Variants in PLXNA2 observed in about 807,000 individuals in gnomAD.
The protein encoded by PLXNA2 is plexin A2.
Under a neutral mutation model 193.5 loss-of-function variants are expected in PLXNA2, and 91 were observed. That is an observed-to-expected ratio of 0.47 (90% CI 0.40 to 0.56). The LOEUF is 0.56. Among genes scored for constraint, PLXNA2 ranks in the 20% least tolerant of loss-of-function variants. The pLI is 0.00. For synonymous variants in PLXNA2, 997 were observed against 1,027.3 expected (o/e 0.97, Z 0.56); for missense variants, 1,995 against 2,503.2 (o/e 0.80, Z 4.33).
At chr1:208,055,813 C>A (rs1263475066) in intron 13 of PLXNA2, among the ~76,000 whole-genome samples, 1 of 152,218 alleles carries the variant, frequency 6.6e-6, no homozygotes, top group Non-Finnish European at 1.5e-5. Context: ...TGATCTCCAT[C>A]TCCTTCATAA....
intron 4 of PLXNA2, among the ~76,000 whole-genome samples, chr1:208,106,388 C>G (rs1254093791): frequency 6.6e-6 from 1 of 152,222 alleles, no homozygotes; most frequent in Non-Finnish European, 1.5e-5. Context: ...CATTAAAACA[C>G]AACTAGCACC....
Position 208,217,900 on chromosome 1 carries a change from G to A in PLXNA2, c.23C>T (p.Pro8Leu). Reference protein sequence around the residue: MEQRRPWPRALEVDSRSV... With the variant: MEQRRPWLRALEVDSRSV... Reference sequence around the variant, plus strand: ...GCGGCTGTCCACCTCCAGGGCCCGGGGCCAGGGCCGCCTCTGTTCCATGCT... The same window carrying A: ...GCGGCTGTCCACCTCCAGGGCCCGGAGCCAGGGCCGCCTCTGTTCCATGCT... Residue 8 changes from proline (P) to leucine (L), a missense_variant, in exon 2 of 32, where the codon CCC becomes CTC. Coordinates refer to ENST00000367033, the MANE Select transcript of PLXNA2 (RefSeq NM_025179.4). The surrounding 1 kb of genome is among the most constrained non-coding windows in gnomAD (Gnocchi z 4.7). 1 of 1,611,004 alleles carries A rather than the reference G, an allele frequency of 6.2e-7. No individual in the cohort carries two copies. Among genetic ancestry groups the A allele is most frequent in the Non-Finnish European group, 8.5e-7 (1 of 1,179,888 alleles).
rs980170334 is a variant in PLXNA2 at position 208,180,643 on chromosome 1, C to G, written c.1371+29637G>C. On this transcript the variant is annotated intron_variant, in intron 3 of 31. Transcript: ENST00000367033. ...CCTAGAAAGGCACTATTATTTACTC[C>G]GTTTGGCAGACGAGGAAACTGAGAG... Among the ~76,000 whole-genome samples, 3 of 152,196 alleles carry G rather than the reference C, an allele frequency of 2.0e-5. No individual in the cohort carries two copies. The East Asian group carries it at 5.8e-4, about 29-fold the overall frequency.
In PLXNA2 at chr1:208,054,427, G is replaced by C; in HGVS notation, c.2850C>G (p.Thr950=). The part of the protein sequence containing the change: ...EFMTKSHQQY[T]FVNPSVLSLN... Reference sequence around the variant, plus strand: ...CCCTGGACCCAGTACTCACCACGAAGGTGTACTGCTGATGGGACTTCGTCA... The same window carrying C: ...CCCTGGACCCAGTACTCACCACGAACGTGTACTGCTGATGGGACTTCGTCA... Residue 950 remains threonine, a synonymous_variant, in exon 14 of 32, where the codon ACC becomes ACG. Transcript: ENST00000367033. 6.2e-7 allele frequency: 1 copy of C among 1,609,054 alleles called. No homozygotes were observed. The highest frequency in any genetic ancestry group is 8.5e-7 in the Non-Finnish European group (1 of 1,175,316).
chr1:208,224,477 C>T (rs1671449643), intron 1 of PLXNA2, among the ~76,000 whole-genome samples: 1 of 150,852 alleles, frequency 6.6e-6, no homozygotes, highest in Admixed American at 6.6e-5. Flanking sequence ...TGCACAGACA[C>T]CGAAGATTGT....
intron 31 of PLXNA2, 142 bp downstream of exon 31, chr1:208,027,867 C>T: frequency 1.5e-6 from 1 of 655,812 alleles, no homozygotes; most frequent in South Asian, 2.8e-5. Context: ...GTTGAGTTGC[C>T]TCATAAAGGA....
At chr1:208,054,623 C>T in intron 13 of PLXNA2, 85 bp from the exon 14 acceptor site, 5 of 909,238 alleles carry the variant, frequency 5.5e-6, no homozygotes, top group Non-Finnish European at 9.1e-6. Flanking sequence ...TGGCAAATGA[C>T]TCATCACAGT....
intron 12 of PLXNA2, among the ~76,000 whole-genome samples, chr1:208,077,021 A>T (rs1666170779): frequency 6.6e-6 from 1 of 152,284 alleles, no homozygotes; most frequent in Non-Finnish European, 1.5e-5. Flanking sequence ...GGAAAGGAGG[A>T]TGGGGTAGGG....
intron 4 of PLXNA2, among the ~76,000 whole-genome samples, chr1:208,126,756 T>G (rs1667985155): frequency 6.6e-6 from 1 of 152,134 alleles, no homozygotes; most frequent in South Asian, 2.1e-4. Flanking sequence ...TTTGGAAGCG[T>G]GTTCAGAGCC....
At chr1:208,207,087 C>A (rs1335969039) in intron 3 of PLXNA2, among the ~76,000 whole-genome samples, 1 of 152,192 alleles carries the variant, frequency 6.6e-6, no homozygotes, top group Non-Finnish European at 1.5e-5. Flanking sequence ...CTCACTGCAA[C>A]CTCCACCTCC....
intron 4 of PLXNA2, among the ~76,000 whole-genome samples, chr1:208,115,413 T>C (rs1453590015): frequency 1.3e-5 from 2 of 152,208 alleles, no homozygotes; most frequent in East Asian, 3.9e-4. Context: ...AAAAGTTATC[T>C]GCAGCTGAAG....
chr1:208,117,726 G>GTGA (rs1667682478), intron 4 of PLXNA2, among the ~76,000 whole-genome samples: 1 of 151,554 alleles, frequency 6.6e-6, no homozygotes, highest in Admixed American at 6.6e-5. Flanking sequence ...TCCAGTTCAT[G>GTGA]TGAGAAAGAA....
At chr1:208,238,153 C>T (rs932135134) in intron 1 of PLXNA2, among the ~76,000 whole-genome samples, 2 of 152,252 alleles carry the variant, frequency 1.3e-5, no homozygotes, top group Admixed American at 1.3e-4. Flanking sequence ...CTTCCGTCCT[C>T]TCAAAGCGTC....
chr1:208,137,884 G>C (rs1313765779), intron 4 of PLXNA2, among the ~76,000 whole-genome samples: 1 of 152,076 alleles, frequency 6.6e-6, no homozygotes, highest in Non-Finnish European at 1.5e-5. Context: ...CCAGAGACTT[G>C]GTTTTACTCT....
chr1:208,155,134 C>G (rs489501), intron 3 of PLXNA2, among the ~76,000 whole-genome samples: 118,440 of 152,028 alleles, frequency 0.78, 46,934 homozygotes, highest in Middle Eastern at 0.89. Context: ...GCATGGAGCG[C>G]GAACCCCTTG....
intron 4 of PLXNA2, among the ~76,000 whole-genome samples, chr1:208,131,334 C>T (rs1302270680): frequency 6.6e-6 from 1 of 152,222 alleles, no homozygotes; most frequent in Non-Finnish European, 1.5e-5. Context: ...CATGACGGCT[C>T]CTCTGATGTT....
intron 28 of PLXNA2, among the ~76,000 whole-genome samples, chr1:208,032,941 A>C (rs12073736): frequency 0.029 from 4,469 of 152,218 alleles, 208 homozygotes; most frequent in African/African-American, 0.1. Flanking sequence ...GAAAGCAAAG[A>C]TATATTTGCT....
intron 12 of PLXNA2, among the ~76,000 whole-genome samples, chr1:208,076,287 CA>C (rs1030664630): frequency 2.0e-5 from 3 of 151,972 alleles, no homozygotes; most frequent in Admixed American, 1.3e-4. Flanking sequence ...CTATGTTGCC[CA>C]GGCTGTTCTT....
Position 208,096,886 on chromosome 1 carries a change from G to A in PLXNA2, c.1732-3C>T. ...GCATCACTCACTACCAGGCTAAGCTGTGGGAGGAGCAAAGAGATGATGCCA... is the reference window on the plus strand; with the variant it reads ...GCATCACTCACTACCAGGCTAAGCTATGGGAGGAGCAAAGAGATGATGCCA... On this transcript the variant is annotated splice_polypyrimidine_tract_variant and splice_region_variant and intron_variant, in intron 6 of 31. Transcript: ENST00000367033. The A allele has an allele frequency of 6.2e-7, 1 of 1,612,646 alleles. No individual in the cohort carries two copies. Among genetic ancestry groups the A allele is most frequent in the Non-Finnish European group, 8.5e-7 (1 of 1,179,614 alleles).
Sources: gnomAD v4.1 joint callset for allele counts (sites outside exome capture counted in the v4.1 genomes callset) on GRCh38, gnomAD v4.1.1 for gene constraint, Gnocchi (gnomAD v3.1) non-coding constraint, MANE v1.5 for transcripts, NCBI Gene and HGNC (gene_info 2026-07-23, HGNC 2026-07-21) for gene names.